Variants in CCDC171 observed in about 807,000 individuals in gnomAD.
CCDC171 encodes coiled-coil domain containing 171.
CCDC171 carries 177 observed loss-of-function variants against 168.2 expected under a neutral mutation model. That is an observed-to-expected ratio of 1.05 (90% CI 0.93 to 1.19). The LOEUF (loss-of-function observed/expected upper bound fraction) is 1.19. CCDC171 is among the 50% of genes most tolerant of loss of function. CCDC171 has a pLI of 0.00. For missense variants in CCDC171, 1,991 were observed against 1,539.0 expected, an observed-to-expected ratio of 1.29 and a Z score of -4.91; for synonymous variants, 687 against 540.8, an observed-to-expected ratio of 1.27 and a Z score of -3.75.
At chr9:15,780,359 A>C (rs920205175) in intron 20 of CCDC171, among the ~76,000 whole-genome samples, 1 of 152,014 alleles carries the variant, frequency 6.6e-6, no homozygotes, top group African/African-American at 2.4e-5. Flanking sequence ...ATACATGACA[A>C]CCTTAAGTAA....
chr9:15,832,438 C>G (rs769652625), intron 21 of CCDC171, among the ~76,000 whole-genome samples: 4 of 152,178 alleles, frequency 2.6e-5, no homozygotes, highest in Non-Finnish European at 4.4e-5. Flanking sequence ...GTATACCCTT[C>G]TACACACATA....
In CCDC171 at chr9:15,916,285, A is replaced by G. The variant is rs890180357; in HGVS notation, c.3601-3985A>G. Among the ~76,000 whole-genome samples the G allele has an allele frequency of 2.0e-5, 3 of 151,960 alleles. No individual in the cohort carries two copies. In the South Asian group the frequency reaches 6.2e-4, roughly 32 times the overall value. ...ATGCCAGGTAGTTTAAGCTCATTTC[A>G]TGTATTAATACTCATTTAATTTCTA... On this transcript the variant is annotated intron_variant, in intron 24 of 25. Transcript: ENST00000380701.
chr9:16,102,068 C>G, the CCDC171 span, among the ~76,000 whole-genome samples: 31,449 of 152,172 alleles, frequency 0.21, 3,368 homozygotes, highest in African/African-American at 0.23. Flanking sequence ...TCTGGCAGCC[C>G]TCCCTGCATC....
At chr9:15,603,477 TC>T in intron 6 of CCDC171, among the ~76,000 whole-genome samples, 1 of 152,264 alleles carries the variant, frequency 6.6e-6, no homozygotes, top group South Asian at 2.1e-4. Context: ...ATTGTTCAGT[TC>T]CCACTTACAA....
At chr9:16,016,543 A>G (rs1833024284) in intron 3 of CCDC171, among the ~76,000 whole-genome samples, 2 of 152,162 alleles carry the variant, frequency 1.3e-5, no homozygotes, top group Admixed American at 1.3e-4. Context: ...TCAACTCCCG[A>G]AATGCTTTGG....
chr9:15,678,045 G>T (rs1231030871), intron 9 of CCDC171, among the ~76,000 whole-genome samples: 1 of 149,528 alleles, frequency 6.7e-6, no homozygotes, highest in Non-Finnish European at 1.5e-5. Context: ...GAGTATCTGG[G>T]ACTACAGACA....
At chr9:15,854,882 G>A (rs1347105667) in intron 23 of CCDC171, among the ~76,000 whole-genome samples, 1 of 151,186 alleles carries the variant, frequency 6.6e-6, no homozygotes, top group Non-Finnish European at 1.5e-5. Context: ...CTGAATATTT[G>A]GAAATTTTCC....
intron 21 of CCDC171, among the ~76,000 whole-genome samples, chr9:15,790,882 G>T (rs532002357): frequency 4.3e-4 from 65 of 152,242 alleles, no homozygotes; most frequent in Middle Eastern, 6.8e-3. Flanking sequence ...GTTTTTGTCA[G>T]GTTTGTCAAA....
intron 21 of CCDC171, among the ~76,000 whole-genome samples, chr9:15,835,793 AG>A (rs2060419600): frequency 6.6e-6 from 1 of 152,216 alleles, no homozygotes; most frequent in African/African-American, 2.4e-5. Context: ...AATATTAACA[AG>A]AAATAAGTGT....
chr9:15,560,030 T>C (rs1041506858), intron 1 of CCDC171, among the ~76,000 whole-genome samples: 1 of 152,158 alleles, frequency 6.6e-6, no homozygotes, highest in African/African-American at 2.4e-5. Flanking sequence ...GGTTGAAAAT[T>C]CTTTTCTTTA....
chr9:16,058,137 T>C (rs185388263), intron 1 of CCDC171, among the ~76,000 whole-genome samples: 1 of 152,072 alleles, frequency 6.6e-6, no homozygotes, highest in African/African-American at 2.4e-5. Flanking sequence ...TCCAAAAAAA[T>C]GAAGAGTAGC....
At chr9:15,911,152 A>AC (rs1435052202) in intron 24 of CCDC171, among the ~76,000 whole-genome samples, 1 of 152,080 alleles carries the variant, frequency 6.6e-6, no homozygotes, top group Non-Finnish European at 1.5e-5. Flanking sequence ...ACTAATTTAC[A>AC]CCCCCACCAA....
chr9:15,934,148 CT>C (rs1432233089), intron 25 of CCDC171, among the ~76,000 whole-genome samples: 9 of 151,614 alleles, frequency 5.9e-5, no homozygotes, highest in African/African-American at 2.2e-4. Context: ...TATGCAAATG[CT>C]TTGGGAGGCT....
intron 7 of CCDC171, among the ~76,000 whole-genome samples, chr9:15,632,960 GC>G (rs2045863135): frequency 6.6e-6 from 1 of 152,218 alleles, no homozygotes; most frequent in Non-Finnish European, 1.5e-5. Context: ...GGGAAAACTG[GC>G]TAGCCATATG....
intron 25 of CCDC171, among the ~76,000 whole-genome samples, chr9:15,953,987 C>A (rs1252388149): frequency 2.0e-5 from 3 of 151,870 alleles, no homozygotes; most frequent in Admixed American, 2.0e-4. Context: ...TCTTACAATC[C>A]CTTTTTTCCC....
chr9:15,673,184 T>G (rs762367004), intron 9 of CCDC171, among the ~76,000 whole-genome samples: 8 of 152,218 alleles, frequency 5.3e-5, no homozygotes, highest in Non-Finnish European at 1.0e-4. Flanking sequence ...ATGCTTGTGA[T>G]TTTTGCACAT....
At chr9:15,874,301 T>G (rs562592972) in intron 23 of CCDC171, among the ~76,000 whole-genome samples, 3 of 152,212 alleles carry the variant, frequency 2.0e-5, no homozygotes, top group Non-Finnish European at 4.4e-5. Context: ...GTGACTCTTC[T>G]TCCCCTCCCT....
chr9:15,975,455 T>C (rs1263564257), downstream of CCDC171, among the ~76,000 whole-genome samples: 2 of 152,224 alleles, frequency 1.3e-5, no homozygotes, highest in African/African-American at 2.4e-5. Context: ...AGATTTCTTA[T>C]GAATTGATTA....
chr9:15,685,729 T>C (rs2050348505), intron 10 of CCDC171, among the ~76,000 whole-genome samples: 1 of 152,120 alleles, frequency 6.6e-6, no homozygotes, highest in South Asian at 2.1e-4. Flanking sequence ...GAATCTTCAT[T>C]AATAAAACTG....
Sources: gnomAD v4.1 joint callset for allele counts (sites outside exome capture counted in the v4.1 genomes callset) on GRCh38, gnomAD v4.1.1 for gene constraint, MANE v1.5 for transcripts, NCBI Gene and HGNC (gene_info 2026-07-23, HGNC 2026-07-21) for gene names.